UBAP2: variants seen among roughly 807,000 people sequenced by gnomAD.
UBAP2 encodes the protein ubiquitin-associated protein 2.
In UBAP2, 75 loss-of-function variants were observed where a neutral mutation model predicts 139.6. The observed-to-expected ratio is 0.54, with a 90% CI of 0.45 to 0.65. UBAP2 has a LOEUF of 0.65. UBAP2 is among the 30% of genes least tolerant of loss of function. The pLI is 0.00. For synonymous variants in UBAP2, 526 were observed against 526.2 expected, an observed-to-expected ratio of 1.00 and a Z score of 0.01; for missense variants, 1,368 against 1,369.6, an observed-to-expected ratio of 1.00 and a Z score of 0.02.
At position 34,003,655 on chromosome 9, in the gene UBAP2, C is replaced by T. The variant is rs1822923630; in HGVS notation, c.100-4791G>A. Among the ~76,000 whole-genome samples the T allele has an allele frequency of 2.6e-5, 4 of 152,202 alleles. No homozygotes were observed. In the South Asian group the frequency reaches 6.2e-4, roughly 24 times the overall value. On this transcript the variant is annotated intron_variant, in intron 2 of 28. Transcript: ENST00000379238. ...CTCCTGACCTTAAATGACCCTCCTG[C>T]CTTGCCCTCCCAAAGTGCTGGGATT...
chr9:33,989,022 T>A lies in UBAP2; in HGVS notation c.393A>T (p.Gly131=), dbSNP rs746418891. ...TTCCTTTCCGGTTGTTGTTTCCACG[T>A]CCACGACTCGATTCTTTCTCGCTTT... The part of the protein sequence containing the change: ...EKKSEKESSR[G]RGNNNRKGRG... Residue 131 remains glycine (G), a synonymous_variant, in exon 5 of 29, where the codon GGA becomes GGT. Transcript: ENST00000379238. 1.9e-6 allele frequency: 3 copies of A among 1,614,026 alleles called. No individual in the cohort carries two copies. Among genetic ancestry groups the A allele is most frequent in the Non-Finnish European group, 2.5e-6 (3 of 1,179,964 alleles).
intron 1 of UBAP2, among the ~76,000 whole-genome samples, chr9:34,030,356 G>A (rs192494772): frequency 9.9e-5 from 15 of 151,184 alleles, no homozygotes; most frequent in African/African-American, 3.2e-4. Flanking sequence ...GGCTGAGGCA[G>A]GAGAATGGCG....
At chr9:34,007,972 T>A (rs1823384342) in intron 2 of UBAP2, among the ~76,000 whole-genome samples, 1 of 152,044 alleles carries the variant, frequency 6.6e-6, no homozygotes. Flanking sequence ...ATGTATCCTG[T>A]TCATTGAGTT....
At position 33,979,033 on chromosome 9, in the gene UBAP2, T is replaced by A. The variant is rs1161964088; in HGVS notation, c.521-5796A>T. ...GAGGAGGACTGCTTGGAGCCAGGAG[T>A]TCAAGACCAGCCTGGGCAACACACA... On this transcript the variant is annotated intron_variant, in intron 6 of 28. Transcript: ENST00000379238. Among the ~76,000 whole-genome samples the A allele has an allele frequency of 2.0e-5, 3 of 151,454 alleles. No homozygotes were observed. The East Asian group carries it at 5.8e-4, about 29-fold the overall frequency.
chr9:33,938,331 A>G (rs1227497989), intron 16 of UBAP2, among the ~76,000 whole-genome samples: 2 of 151,954 alleles, frequency 1.3e-5, no homozygotes, highest in East Asian at 3.9e-4. Flanking sequence ...GTTTTTTGTC[A>G]TGTTGCTTAG....
intron 2 of UBAP2, among the ~76,000 whole-genome samples, chr9:34,007,541 G>C (rs1340820015): frequency 6.6e-6 from 1 of 151,222 alleles, no homozygotes; most frequent in Admixed American, 6.6e-5. Flanking sequence ...TCCACACTCA[G>C]GTTGTTGATA....
chr9:33,955,339 T>C (rs1400109793), intron 11 of UBAP2, among the ~76,000 whole-genome samples: 1 of 150,050 alleles, frequency 6.7e-6, no homozygotes, highest in Non-Finnish European at 1.5e-5. Context: ...GCCAATATGG[T>C]GAAACCCCGT....
chr9:34,038,258 G>A (rs1055133754), intron 1 of UBAP2, among the ~76,000 whole-genome samples: 2 of 151,830 alleles, frequency 1.3e-5, no homozygotes, highest in African/African-American at 4.8e-5. Flanking sequence ...AGACCAGCCT[G>A]GCCAACACAG....
At chr9:33,993,583 A>AT in intron 4 of UBAP2, among the ~76,000 whole-genome samples, 1 of 152,176 alleles carries the variant, frequency 6.6e-6, no homozygotes, top group East Asian at 1.9e-4. Flanking sequence ...GGAGGATGGC[A>AT]TAAGCCCGGG....
intron 10 of UBAP2, among the ~76,000 whole-genome samples, chr9:33,959,992 C>T (rs534183456): frequency 1.3e-3 from 194 of 152,180 alleles, no homozygotes; most frequent in African/African-American, 4.5e-3. Flanking sequence ...GGCTAGAGGG[C>T]GGTCGAATGA....
chr9:34,036,806 CTTT>C (rs869116521), intron 1 of UBAP2, among the ~76,000 whole-genome samples: 21 of 99,462 alleles, frequency 2.1e-4, no homozygotes, highest in African/African-American at 6.7e-4. Flanking sequence ...AAGTTTTTCT[CTTT>C]TTTTTTTTTT....
At chr9:34,003,784 G>A (rs12345530) in intron 2 of UBAP2, among the ~76,000 whole-genome samples, 24,258 of 151,638 alleles carry the variant, frequency 0.16, 2,043 homozygotes, top group East Asian at 0.26. Flanking sequence ...GCAGTGGTGC[G>A]ATCTTGGCTA....
intron 1 of UBAP2, among the ~76,000 whole-genome samples, chr9:34,031,331 T>C (rs1825871881): frequency 6.6e-6 from 1 of 151,642 alleles, no homozygotes; most frequent in African/African-American, 2.4e-5. Flanking sequence ...CCGTCTCTAC[T>C]GAAAATACAA....
At chr9:33,951,504 G>A (rs1184030329) in intron 12 of UBAP2, among the ~76,000 whole-genome samples, 3 of 151,578 alleles carry the variant, frequency 2.0e-5, no homozygotes, top group Non-Finnish European at 2.9e-5. Flanking sequence ...CCACCACTAC[G>A]CCTGGCTAAT....
chr9:33,980,543 C>T lies in UBAP2; in HGVS notation c.520+6217G>A, dbSNP rs754526055. Among the ~76,000 whole-genome samples the T allele has an allele frequency of 2.0e-5, 3 of 151,728 alleles. No individual in the cohort carries two copies. In the South Asian group the frequency reaches 6.3e-4, roughly 32 times the overall value. ...GGCGTGAGCCACCGCACCCGGCGAG[C>T]GTCATTTCTAATACATAAACACACT... On this transcript the variant is annotated intron_variant, in intron 6 of 28. Coordinates refer to ENST00000379238, the MANE Select transcript of UBAP2 (RefSeq NM_001370062.2).
intron 6 of UBAP2, among the ~76,000 whole-genome samples, chr9:33,975,027 T>C (rs996270635): frequency 1.3e-5 from 2 of 152,134 alleles, no homozygotes; most frequent in African/African-American, 4.8e-5. Context: ...CATTAAAAGA[T>C]ACTCAGTATT....
At chr9:33,963,659 A>T (rs1424435226) in intron 9 of UBAP2, 67 bp downstream of exon 9, 24 of 942,362 alleles carry the variant, frequency 2.5e-5, no homozygotes, top group Non-Finnish European at 3.7e-5. Context: ...TTGATAAAAA[A>T]TGAAAGATAT....
At chr9:33,935,760 T>C in intron 17 of UBAP2, 79 bp downstream of exon 17, 1 of 1,557,198 alleles carries the variant, frequency 6.4e-7, no homozygotes, top group Non-Finnish European at 8.9e-7. Context: ...AACTGGTGTT[T>C]TCCACATCAC....
chr9:33,929,593 A>C (rs1203854959), intron 19 of UBAP2, among the ~76,000 whole-genome samples: 1 of 152,222 alleles, frequency 6.6e-6, no homozygotes, highest in Non-Finnish European at 1.5e-5. Flanking sequence ...TCTATGTAAA[A>C]AAAAATCATA....
Sources: gnomAD v4.1 joint callset for allele counts (sites outside exome capture counted in the v4.1 genomes callset) on GRCh38, gnomAD v4.1.1 for gene constraint, MANE v1.5 for transcripts, NCBI Gene and HGNC (gene_info 2026-07-23, HGNC 2026-07-21) for gene names.